Variants in JARID2 observed in about 807,000 individuals in gnomAD.
JARID2 encodes jumonji and AT-rich interaction domain containing 2, also known as protein Jumonji.
In JARID2, 21 loss-of-function variants were observed where a neutral mutation model predicts 125.6. That is an observed-to-expected ratio of 0.17 (90% confidence interval 0.12 to 0.24). The LOEUF is 0.24. Ranked by LOEUF, JARID2 falls within the 10% of genes least tolerant of loss-of-function variation. JARID2 has a pLI of 1.00. For missense variants in JARID2, 1,303 were observed against 1,639.6 expected, an observed-to-expected ratio of 0.79 and a Z score of 3.55; for synonymous variants, 736 against 661.6, an observed-to-expected ratio of 1.11 and a Z score of -1.73.
intron 4 of JARID2, among the ~76,000 whole-genome samples, chr6:15,464,765 C>G (rs1204246214): frequency 6.6e-6 from 1 of 152,162 alleles, no homozygotes; most frequent in Non-Finnish European, 1.5e-5. Flanking sequence ...TTTACGAATC[C>G]TTCATTACCC....
At chr6:15,510,208 G>C (rs1183994181) in intron 12 of JARID2, among the ~76,000 whole-genome samples, 1 of 152,090 alleles carries the variant, frequency 6.6e-6, no homozygotes, top group African/African-American at 2.4e-5. Flanking sequence ...CACTGGCTTA[G>C]CATCCTGAAG....
At chr6:15,359,641 T>G (rs1021719213) in intron 1 of JARID2, among the ~76,000 whole-genome samples, 3 of 151,730 alleles carry the variant, frequency 2.0e-5, no homozygotes, top group Non-Finnish European at 2.9e-5. Context: ...TAGAGAGAGG[T>G]GGGTAGGGTT....
At position 15,316,691 on chromosome 6, in the gene JARID2, C is replaced by T. The variant is rs147307471; in HGVS notation, c.46-57426C>T. ...CTAATTTTTATATTTTTAGTAGAGA[C>T]GGGGTTTCACCATGTTGGCCAGGCT... On this transcript the variant is annotated intron_variant, in intron 1 of 17. Transcript: ENST00000341776. Among the ~76,000 whole-genome samples the T allele has an allele frequency of 4.0e-3, 608 of 152,154 alleles. 7 individuals are homozygous for T. The highest frequency in any genetic ancestry group is 0.014 in the African/African-American group (578 of 41,498).
intron 4 of JARID2, among the ~76,000 whole-genome samples, chr6:15,460,148 G>T (rs1768375221): frequency 6.6e-6 from 1 of 152,124 alleles, no homozygotes; most frequent in Admixed American, 6.5e-5. Flanking sequence ...TCATTTGTTG[G>T]GATAGTTTAT....
intron 12 of JARID2, chr6:15,509,250 A>G (rs753526021): frequency 4.2e-6 from 5 of 1,203,654 alleles, no homozygotes; most frequent in South Asian, 1.5e-5. Flanking sequence ...AATGACTACA[A>G]ATAATCAGAT....
At chr6:15,513,109 C>T in intron 15 of JARID2, 64 bp downstream of exon 15, 2 of 1,607,042 alleles carry the variant, frequency 1.2e-6, no homozygotes, top group African/African-American at 2.7e-5. Flanking sequence ...GGCTCACCCC[C>T]CGAGCAGGCC....
chr6:15,461,070 C>T (rs538312003), intron 4 of JARID2, among the ~76,000 whole-genome samples: 2 of 152,328 alleles, frequency 1.3e-5, no homozygotes, highest in Non-Finnish European at 2.9e-5. Flanking sequence ...GGCTTGAGCA[C>T]CATCATGGCT....
chr6:15,475,756 A>C (rs1042874674), intron 5 of JARID2, among the ~76,000 whole-genome samples: 1 of 152,186 alleles, frequency 6.6e-6, no homozygotes, highest in South Asian at 2.1e-4. Context: ...AGAAGGTGAG[A>C]GCTCAGTCTT....
At chr6:15,433,922 GTGTGTGTGT>G (rs1767084100) in intron 3 of JARID2, among the ~76,000 whole-genome samples, 2 of 5,696 alleles carry the variant, frequency 3.5e-4, no homozygotes, top group African/African-American at 7.9e-4. Context: ...ACTCTCCAGG[GTGTGTGTGT>G]GTGTGTGTGT....
intron 1 of JARID2, among the ~76,000 whole-genome samples, chr6:15,256,752 C>T (rs1456242517): frequency 6.6e-6 from 1 of 152,220 alleles, no homozygotes. Flanking sequence ...GGCTGGTCTC[C>T]TCGCACTTTA....
At chr6:15,248,080 C>T (rs936910262) in intron 1 of JARID2, 17 of 985,124 alleles carry the variant, frequency 1.7e-5, no homozygotes, top group African/African-American at 7.0e-5. Flanking sequence ...TTTCTTATTG[C>T]GGGCGTTCAG....
intron 1 of JARID2, among the ~76,000 whole-genome samples, chr6:15,283,371 C>A (rs1335323683): frequency 7.1e-6 from 1 of 141,144 alleles, no homozygotes; most frequent in Non-Finnish European, 1.5e-5. Flanking sequence ...GATGGAGTCT[C>A]ACTCTGTGGC....
chr6:15,327,808 T>C (rs1190751913), intron 1 of JARID2, among the ~76,000 whole-genome samples: 1 of 152,230 alleles, frequency 6.6e-6, no homozygotes, highest in Non-Finnish European at 1.5e-5. Context: ...ACGCGGTCTC[T>C]GCTGTCTTTA....
intron 1 of JARID2, among the ~76,000 whole-genome samples, chr6:15,367,895 CT>C (rs1359410449): frequency 1.3e-5 from 2 of 152,190 alleles, no homozygotes; most frequent in Non-Finnish European, 2.9e-5. Context: ...GGCACCCATT[CT>C]GCGAGCTTTA....
intron 1 of JARID2, among the ~76,000 whole-genome samples, chr6:15,257,019 C>G (rs1448281851): frequency 6.6e-6 from 1 of 152,098 alleles, no homozygotes; most frequent in Non-Finnish European, 1.5e-5. Flanking sequence ...GTTGAGAATT[C>G]CTGAGGTTTC....
At chr6:15,417,813 G>T (rs1766302906) in intron 3 of JARID2, among the ~76,000 whole-genome samples, 1 of 152,184 alleles carries the variant, frequency 6.6e-6, no homozygotes, top group Non-Finnish European at 1.5e-5. Context: ...TATGTTAGAT[G>T]TTAGTAGCCA....
In JARID2 at chr6:15,517,099, T is replaced by C. The variant is rs1321442495; in HGVS notation, c.3451-62T>C. ...TGCCCGGCCGGGCGTGCTCCTACCTTACCCTCCCAGGGCGCTGTGGAGCTG... is the reference window on the plus strand; with the variant it reads ...TGCCCGGCCGGGCGTGCTCCTACCTCACCCTCCCAGGGCGCTGTGGAGCTG... On this transcript the variant is annotated intron_variant, in intron 16 of 17. Coordinates refer to ENST00000341776, the MANE Select transcript of JARID2 (RefSeq NM_004973.4). The C allele has an allele frequency of 3.1e-6, 4 of 1,289,614 alleles. No individual in the cohort carries two copies. In the African/African-American group the frequency reaches 5.8e-5, roughly 19 times the overall value. 79.9% of individuals were successfully genotyped at this position (1,289,614 alleles called of 1,614,324 possible).
At chr6:15,348,423 A>C (rs1048250492) in intron 1 of JARID2, among the ~76,000 whole-genome samples, 7 of 152,088 alleles carry the variant, frequency 4.6e-5, no homozygotes, top group African/African-American at 1.7e-4. Flanking sequence ...TTTTCTATGA[A>C]TATTCTTTGC....
intron 1 of JARID2, among the ~76,000 whole-genome samples, chr6:15,261,981 C>T (rs1355838932): frequency 2.6e-5 from 4 of 151,618 alleles, no homozygotes; most frequent in East Asian, 3.9e-4. Context: ...GGGGTTTCAC[C>T]GTGCAGGTCA....
Sources: gnomAD v4.1 joint callset for allele counts (sites outside exome capture counted in the v4.1 genomes callset) on GRCh38, gnomAD v4.1.1 for gene constraint, MANE v1.5 for transcripts, NCBI Gene and HGNC (gene_info 2026-07-23, HGNC 2026-07-21) for gene names.